Variants in LPP observed in about 807,000 individuals in gnomAD.
The protein encoded by LPP is lipoma-preferred partner.
A neutral mutation model predicts 60.4 loss-of-function variants in LPP; 38 were observed. That is an observed-to-expected ratio of 0.63 (90% CI 0.49 to 0.83). The LOEUF is 0.83. LPP is among the 40% of genes least tolerant of loss of function. LPP has a pLI of 0.00. For missense variants in LPP, 902 were observed against 783.6 expected, an observed-to-expected ratio of 1.15 and a Z score of -1.80; for synonymous variants, 328 against 290.8, an observed-to-expected ratio of 1.13 and a Z score of -1.30.
At chr3:188,488,353 T>C (rs1807232016) in intron 5 of LPP, among the ~76,000 whole-genome samples, 1 of 151,780 alleles carries the variant, frequency 6.6e-6, no homozygotes, top group Non-Finnish European at 1.5e-5. Flanking sequence ...ATTCTTGGTT[T>C]AACAGTTCTC....
chr3:188,767,093 G>T (rs1459949537), intron 9 of LPP, among the ~76,000 whole-genome samples: 1 of 151,996 alleles, frequency 6.6e-6, no homozygotes, highest in Non-Finnish European at 1.5e-5. Flanking sequence ...TTTCCAAAAG[G>T]CAAATAAAGT....
chr3:188,557,064 A>G (rs956789829), intron 6 of LPP, among the ~76,000 whole-genome samples: 8 of 152,062 alleles, frequency 5.3e-5, no homozygotes, highest in Non-Finnish European at 1.0e-4. Context: ...TTCTTGCCCT[A>G]CGGTAGATAG....
intron 2 of LPP, among the ~76,000 whole-genome samples, chr3:188,281,338 A>G (rs1456561350): frequency 6.6e-6 from 1 of 152,094 alleles, no homozygotes; most frequent in Non-Finnish European, 1.5e-5. Context: ...ATAGTGGCTC[A>G]CACCTGTAAT....
intron 2 of LPP, among the ~76,000 whole-genome samples, chr3:188,330,163 T>G (rs1310919561): frequency 2.6e-5 from 4 of 152,230 alleles, no homozygotes; most frequent in African/African-American, 7.2e-5. Flanking sequence ...TAAACAGTAG[T>G]CAGTCTATGA....
intron 2 of LPP, among the ~76,000 whole-genome samples, chr3:188,233,601 A>T (rs925016294): frequency 6.6e-6 from 1 of 152,212 alleles, no homozygotes; most frequent in African/African-American, 2.4e-5. Flanking sequence ...CCACTCTATG[A>T]TGTAATCTAA....
At chr3:188,467,489 C>T (rs1279790240) in intron 4 of LPP, among the ~76,000 whole-genome samples, 1 of 151,982 alleles carries the variant, frequency 6.6e-6, no homozygotes, top group East Asian at 1.9e-4. Flanking sequence ...AGAATAATAG[C>T]CCTCAAAGTT....
At chr3:188,707,871 C>A (rs549550259) in intron 7 of LPP, among the ~76,000 whole-genome samples, 11 of 152,304 alleles carry the variant, frequency 7.2e-5, no homozygotes, top group African/African-American at 2.6e-4. Context: ...TTATTTTGCT[C>A]TTCCTGCAGC....
At chr3:188,497,322 G>A (rs1291369799) in intron 5 of LPP, among the ~76,000 whole-genome samples, 2 of 152,112 alleles carry the variant, frequency 1.3e-5, no homozygotes, top group African/African-American at 4.8e-5. Context: ...AATTCCACAT[G>A]TCCTGCCTTC....
Position 188,722,299 on chromosome 3 carries a change from G to T in LPP, c.1240+13906G>T, listed in dbSNP as rs565369081. Among the ~76,000 whole-genome samples, 213 of 152,260 alleles carry T rather than the reference G, an allele frequency of 1.4e-3. 1 individual carries two copies. The highest frequency in any genetic ancestry group is 4.9e-3 in the African/African-American group (203 of 41,544). On this transcript the variant is annotated intron_variant, in intron 8 of 11. Coordinates refer to ENST00000617246, the MANE Select transcript of LPP (RefSeq NM_001375462.1). ...TAATGGTGTTCAGTCATGGTAATTG[G>T]CATACCGGCTCAGTAATGGTGTTTA...
intron 2 of LPP, among the ~76,000 whole-genome samples, chr3:188,257,135 T>C (rs1731934045): frequency 6.6e-6 from 1 of 152,198 alleles, no homozygotes; most frequent in African/African-American, 2.4e-5. Context: ...CCCATAGACC[T>C]GAATCTTAGT....
At chr3:188,766,798 A>G (rs2150592498) in intron 9 of LPP, among the ~76,000 whole-genome samples, 2 of 152,296 alleles carry the variant, frequency 1.3e-5, no homozygotes, top group African/African-American at 4.8e-5. Flanking sequence ...TAATTCTCTC[A>G]TCTCAGTATA....
intron 4 of LPP, among the ~76,000 whole-genome samples, chr3:188,471,055 G>A (rs1352736555): frequency 2.0e-5 from 3 of 152,154 alleles, no homozygotes; most frequent in Non-Finnish European, 4.4e-5. Flanking sequence ...CGTTTACCAA[G>A]CTTCCAATAA....
rs570073157 is a variant in LPP, at chr3:188,795,840, A to G, written c.1410+35558A>G. 4.7e-4 allele frequency among the ~76,000 whole-genome samples: 71 copies of G among 152,244 alleles called. 2 individuals carry two copies. The Middle Eastern group carries it at 0.017, about 36-fold the overall frequency. ...CCTACATAATATGTATTTTATTCCTATATGTGTTTTCTGCAGTGGTCTGAT... is the reference window on the plus strand; with the variant it reads ...CCTACATAATATGTATTTTATTCCTGTATGTGTTTTCTGCAGTGGTCTGAT... On this transcript the variant is annotated intron_variant, in intron 9 of 11. Transcript: ENST00000617246.
At chr3:188,314,400 T>C (rs186396408) in intron 2 of LPP, among the ~76,000 whole-genome samples, 2 of 152,260 alleles carry the variant, frequency 1.3e-5, no homozygotes, top group Admixed American at 6.5e-5. Context: ...TATGTTTTTC[T>C]CTTTTGTCCT....
chr3:188,382,490 T>C (rs1316134212), intron 3 of LPP, among the ~76,000 whole-genome samples: 1 of 152,244 alleles, frequency 6.6e-6, no homozygotes, highest in Admixed American at 6.5e-5. Flanking sequence ...CTGTGAATAA[T>C]GGATGTGATG....
intron 5 of LPP, among the ~76,000 whole-genome samples, chr3:188,505,393 T>A (rs951697797): frequency 1.2e-4 from 19 of 152,180 alleles, no homozygotes; most frequent in African/African-American, 4.3e-4. Context: ...CCACTCAGAG[T>A]TCTCACTTTG....
chr3:188,858,288 A>T lies in LPP; in HGVS notation c.1411-7912A>T, dbSNP rs1764314008. ...CTTAGTCTTCTCTGATATGTTCATTATGCCCATGGCATGAGGGTCTGACCC... is the reference window on the plus strand; with the variant it reads ...CTTAGTCTTCTCTGATATGTTCATTTTGCCCATGGCATGAGGGTCTGACCC... On this transcript the variant is annotated intron_variant, in intron 9 of 11. Coordinates refer to ENST00000617246, the MANE Select transcript of LPP (RefSeq NM_001375462.1). Among the ~76,000 whole-genome samples the T allele has an allele frequency of 2.0e-5, 3 of 152,270 alleles. No individual in the cohort carries two copies. In the South Asian group the frequency reaches 6.2e-4, roughly 32 times the overall value.
intron 7 of LPP, among the ~76,000 whole-genome samples, chr3:188,629,769 G>A (rs1198615512): frequency 6.6e-6 from 1 of 151,840 alleles, no homozygotes; most frequent in Non-Finnish European, 1.5e-5. Flanking sequence ...AGCCCAAATA[G>A]GCAAAACAAT....
chr3:188,177,992 T>C (rs1013474327), intron 1 of LPP, among the ~76,000 whole-genome samples: 2 of 152,190 alleles, frequency 1.3e-5, no homozygotes, highest in African/African-American at 4.8e-5. Flanking sequence ...TTCTCATCCA[T>C]AGAGGTTTTG....
Sources: allele counts gnomAD v4.1 joint callset (sites outside exome capture counted in the v4.1 genomes callset), GRCh38; gene constraint gnomAD v4.1.1; transcripts MANE v1.5; gene names NCBI Gene and HGNC (gene_info 2026-07-23, HGNC 2026-07-21).